The following ZNF704 variants were observed in gnomAD, a reference collection of about 807,000 sequenced individuals.
The protein encoded by ZNF704 is glucocorticoid induced gene 1.
Under a neutral mutation model 44.7 loss-of-function variants are expected in ZNF704, and 10 were observed. The ratio of observed to expected loss-of-function variants is 0.22; its 90% CI spans 0.14 to 0.38. The LOEUF (loss-of-function observed/expected upper bound fraction) is 0.38. ZNF704 is among the 10% of genes least tolerant of loss of function. The pLI, the probability that ZNF704 is intolerant of heterozygous loss-of-function variation, is 1.00. For missense variants in ZNF704, 390 were observed against 545.5 expected (o/e 0.71, Z 2.84); for synonymous variants, 211 against 207.6 (o/e 1.02, Z -0.14).
intron 2 of ZNF704, among the ~76,000 whole-genome samples, chr8:80,722,113 G>T (rs1280544801): frequency 1.3e-5 from 2 of 152,258 alleles, no homozygotes; most frequent in East Asian, 3.9e-4. Flanking sequence ...GGTGGCACAT[G>T]CCTGTAGTCC....
chr8:80,739,234 C>T (rs1044860770), intron 2 of ZNF704, among the ~76,000 whole-genome samples: 1 of 152,186 alleles, frequency 6.6e-6, no homozygotes, highest in African/African-American at 2.4e-5. Flanking sequence ...CCCAGGAGAA[C>T]CACGATAGTC....
chr8:80,725,666 C>T (rs1400268423), intron 2 of ZNF704, among the ~76,000 whole-genome samples: 2 of 152,168 alleles, frequency 1.3e-5, no homozygotes, highest in African/African-American at 4.8e-5. Flanking sequence ...AACTTAGAGT[C>T]AGCAATGAAA....
chr8:80,767,266 C>A (rs1403347866), intron 2 of ZNF704, among the ~76,000 whole-genome samples: 1 of 151,730 alleles, frequency 6.6e-6, no homozygotes, highest in Non-Finnish European at 1.5e-5. Context: ...TAATAAATAT[C>A]TTATAATAAC....
At chr8:80,878,194 T>G (rs898867725), upstream of ZNF704, among the ~76,000 whole-genome samples, 1 of 151,780 alleles carries the variant, frequency 6.6e-6, no homozygotes, top group Middle Eastern at 3.4e-3. Flanking sequence ...ACCTTTGAGT[T>G]CTGAGCCCTA....
intron 6 of ZNF704, 105 bp downstream of exon 6, chr8:80,664,710 G>C (rs577248502): frequency 1.4e-6 from 2 of 1,388,004 alleles, no homozygotes; most frequent in South Asian, 2.6e-5. Flanking sequence ...GGGCTGCCGT[G>C]TGTGATGCTG....
intron 1 of ZNF704, among the ~76,000 whole-genome samples, chr8:80,845,085 T>C (rs1808747412): frequency 1.3e-5 from 2 of 152,194 alleles, no homozygotes; most frequent in Non-Finnish European, 2.9e-5. Context: ...TATTTCTTTA[T>C]TATACATTTC....
chr8:80,710,733 G>T (rs916333503), intron 2 of ZNF704, among the ~76,000 whole-genome samples: 2 of 152,196 alleles, frequency 1.3e-5, no homozygotes, highest in African/African-American at 2.4e-5. Flanking sequence ...AACTGAATCT[G>T]CCAGGACCTT....
chr8:80,785,797 T>C (rs991136072), intron 2 of ZNF704, among the ~76,000 whole-genome samples: 8 of 152,202 alleles, frequency 5.3e-5, no homozygotes, highest in African/African-American at 1.9e-4. Context: ...CAATCATTTT[T>C]CCAGGCCCTG....
intron 1 of ZNF704, among the ~76,000 whole-genome samples, chr8:80,849,714 C>T (rs368390498): frequency 1.3e-5 from 2 of 152,242 alleles, no homozygotes; most frequent in East Asian, 3.9e-4. Flanking sequence ...TGGATTCTGG[C>T]AAGGGTGATG....
At chr8:80,821,305 G>C in intron 2 of ZNF704, 69 bp downstream of exon 2, 1 of 1,454,118 alleles carries the variant, frequency 6.9e-7, no homozygotes, top group Non-Finnish European at 9.6e-7. Flanking sequence ...TCTGTACACT[G>C]GCAGAGATTA....
At chr8:80,793,654 C>T (rs569204045) in intron 2 of ZNF704, among the ~76,000 whole-genome samples, 31 of 151,862 alleles carry the variant, frequency 2.0e-4, no homozygotes, top group African/African-American at 7.2e-4. Flanking sequence ...TTTCTATTTC[C>T]TTTCTTTATC....
chr8:80,838,004 G>A (rs1808610447), intron 1 of ZNF704, among the ~76,000 whole-genome samples: 1 of 152,086 alleles, frequency 6.6e-6, no homozygotes, highest in Admixed American at 6.5e-5. Context: ...CAGAAGGGTT[G>A]CTCTAAAGAT....
chr8:80,761,772 G>A (rs913278982), intron 2 of ZNF704, among the ~76,000 whole-genome samples: 5 of 152,202 alleles, frequency 3.3e-5, no homozygotes, highest in Non-Finnish European at 7.4e-5. Flanking sequence ...GTTATGAGAA[G>A]ACAAATCATA....
chr8:80,784,769 T>A (rs1034512544), intron 2 of ZNF704, among the ~76,000 whole-genome samples: 2 of 152,216 alleles, frequency 1.3e-5, no homozygotes, highest in Admixed American at 1.3e-4. Flanking sequence ...ATTAACTGCC[T>A]CTTTCATGGA....
intron 7 of ZNF704, among the ~76,000 whole-genome samples, chr8:80,651,591 G>C (rs898253016): frequency 2.8e-4 from 42 of 152,194 alleles, no homozygotes; most frequent in African/African-American, 1.0e-3. Context: ...TAATGGTGAA[G>C]GGATCAATTC....
At chr8:80,851,268 A>C (rs1808858607) in intron 1 of ZNF704, among the ~76,000 whole-genome samples, 1 of 152,200 alleles carries the variant, frequency 6.6e-6, no homozygotes, top group South Asian at 2.1e-4. Context: ...AGACACATGC[A>C]AATGTATGTT....
At chr8:80,852,858 G>C (rs1026517381) in intron 1 of ZNF704, among the ~76,000 whole-genome samples, 1 of 152,136 alleles carries the variant, frequency 6.6e-6, no homozygotes, top group Non-Finnish European at 1.5e-5. Context: ...GCCCCCCAAA[G>C]TGCCTAGCAT....
intron 1 of ZNF704, among the ~76,000 whole-genome samples, chr8:80,829,852 T>G (rs1808438969): frequency 6.6e-6 from 1 of 152,166 alleles, no homozygotes; most frequent in South Asian, 2.1e-4. Context: ...GACTTCTTAT[T>G]TAAAAGTAGA....
intron 6 of ZNF704, among the ~76,000 whole-genome samples, chr8:80,662,444 AAGTT>A (rs1206430864): frequency 6.6e-6 from 1 of 152,334 alleles, no homozygotes; most frequent in Admixed American, 6.5e-5. Context: ...TGATTTAACT[AAGTT>A]AGTACCCAGG....
Sources: gnomAD v4.1 joint callset for allele counts (sites outside exome capture counted in the v4.1 genomes callset) on GRCh38, gnomAD v4.1.1 for gene constraint, MANE v1.5 for transcripts, NCBI Gene and HGNC (gene_info 2026-07-23, HGNC 2026-07-21) for gene names.